MFN1: variants seen among roughly 807,000 people sequenced by gnomAD.
MFN1 encodes the protein mitofusin-1.
Under a neutral mutation model 92.4 loss-of-function variants are expected in MFN1, and 65 were observed. The observed-to-expected ratio is 0.70, with a 90% CI of 0.58 to 0.86. MFN1 has a LOEUF of 0.86. Among genes scored for constraint, MFN1 ranks in the 40% least tolerant of loss-of-function variants. The pLI is 0.00. For synonymous variants in MFN1, 297 were observed against 300.9 expected (o/e 0.99, Z 0.13); for missense variants, 781 against 868.0 (o/e 0.90, Z 1.26).
chr3:179,386,819 ATTC>A (rs750215607), intron 16 of MFN1, among the ~76,000 whole-genome samples, 190 bp downstream of exon 16: 5 of 152,308 alleles, frequency 3.3e-5, no homozygotes, highest in East Asian at 1.9e-4. Flanking sequence ...CCTAATCACT[ATTC>A]TTCTTTCCAT....
Position 179,367,565 on chromosome 3 carries a change from C to A in MFN1, c.880C>A (p.Gln294Lys). ...SAKEVLSARK[Q>K]KAQGMPESGV... is the part of the protein sequence containing the mutation. ...AAAGGAAGTTCTTAGTGCTAGAAAG[C>A]AAAAAGCACAGGGGATGCCAGAAAG... The change falls in exon 8 of 18, where the codon CAA becomes AAA. Residue 294 changes from glutamine to lysine, a missense_variant. Physicochemically the swap from Gln to Lys is moderately conservative, Grantham distance 53. Coordinates refer to ENST00000471841, the MANE Select transcript of MFN1 (RefSeq NM_033540.3). 1 of 1,610,282 alleles carries A rather than the reference C, an allele frequency of 6.2e-7. No individual in the cohort carries two copies. Among genetic ancestry groups the A allele is most frequent in the African/African-American group, 1.3e-5 (1 of 74,514 alleles).
At chr3:179,388,359 TA>T (rs755697063) in intron 16 of MFN1, among the ~76,000 whole-genome samples, 52 of 152,240 alleles carry the variant, frequency 3.4e-4, no homozygotes, top group Non-Finnish European at 4.3e-4. Flanking sequence ...TTCAAATGTA[TA>T]CGTTAAATGC....
In MFN1 at chr3:179,364,283, T is replaced by A; in HGVS notation, c.537-14T>A. The A allele has an allele frequency of 6.5e-7, 1 of 1,548,084 alleles. No homozygotes were observed. The highest frequency in any genetic ancestry group is 8.7e-7 in the Non-Finnish European group (1 of 1,146,222). On this transcript the variant is annotated splice_polypyrimidine_tract_variant and intron_variant, in intron 5 of 17. Coordinates refer to ENST00000471841, the MANE Select transcript of MFN1 (RefSeq NM_033540.3). The stretch of plus-strand genomic sequence containing the variant: ...TTAAGAAATATAATACAATTTTTAT[T>A]TCACTCTCATTAGTCCAGGCACAGA...
At chr3:179,350,065 A>AGGC (rs1712082585) in intron 2 of MFN1, among the ~76,000 whole-genome samples, 1 of 151,950 alleles carries the variant, frequency 6.6e-6, no homozygotes, top group Non-Finnish European at 1.5e-5. Flanking sequence ...AGGAGGGAGA[A>AGGC]TCGCTTGAAC....
Position 179,392,061 on chromosome 3 carries a change from AAT to A in MFN1, c.*4_*5del, listed in dbSNP as rs775028347. On this transcript the variant is annotated 3_prime_UTR_variant, in exon 18 of 18. Coordinates refer to ENST00000471841, the MANE Select transcript of MFN1 (RefSeq NM_033540.3). ...CCTTCAAGCAATGAAGAATCCTAAC[AAT>A]AGAGATTGCTTTGGTGACCATGATA... 1 of 1,598,680 alleles carries A rather than the reference AAT, an allele frequency of 6.3e-7. No homozygotes were observed. The highest frequency in any genetic ancestry group is 1.1e-5 in the South Asian group (1 of 89,726).
chr3:179,378,399 A>G lies in MFN1; in HGVS notation c.1388A>G (p.Asp463Gly). The change falls in exon 13 of 18, where the codon GAT (aspartate) becomes GGT (glycine). Residue 463 changes from aspartate (D) to glycine (G), a missense_variant. By Grantham distance (94) the Asp-to-Gly change is moderately conservative (BLOSUM62 -1). Coordinates refer to ENST00000471841, the MANE Select transcript of MFN1 (RefSeq NM_033540.3). ...AGAAATTTGGCTGATCGATGCACCG[A>G]TGAAGTAAACGCCTTAGTGCTTCAG... ...MGRNLADRCT[D>G]EVNALVLQTQ... 3 of 1,607,114 alleles carry G rather than the reference A, an allele frequency of 1.9e-6. No homozygotes were observed. The highest frequency in any genetic ancestry group is 2.5e-6 in the Non-Finnish European group (3 of 1,178,298).
rs184828954 is a variant in MFN1, at chr3:179,364,233, A to C, written c.537-64A>C. On this transcript the variant is annotated intron_variant, in intron 5 of 17. Coordinates refer to ENST00000471841, the MANE Select transcript of MFN1 (RefSeq NM_033540.3). ...TTCAAATTATATATAAAAGCTGAAA[A>C]AATTCTGTAACCCAAATTTTCTTTT... 5.1e-5 allele frequency: 59 copies of C among 1,161,676 alleles called. No homozygotes were observed. In the South Asian group the frequency reaches 1.0e-3, roughly 20 times the overall value. The allele number at this position is 1,161,676 out of a possible 1,614,324, so 72.0% of individuals were successfully genotyped here. A position where few individuals can be genotyped will look rare whatever the true frequency, so the allele number is the denominator to read the frequency against.
At chr3:179,378,223 AAAAAAAAAAAGTC>A in intron 12 of MFN1, 105 bp from the exon 13 acceptor site, 2 of 821,914 alleles carry the variant, frequency 2.4e-6, no homozygotes, top group Non-Finnish European at 3.9e-6. Context: ...TGTCTCAAAA[AAAAAAAAAAAGTC>A]AAATTAAAAA....
At chr3:179,349,390 G>C (rs1296165573) in intron 2 of MFN1, among the ~76,000 whole-genome samples, 2 of 152,182 alleles carry the variant, frequency 1.3e-5, no homozygotes, top group Non-Finnish European at 2.9e-5. Context: ...TAGCAGTTAA[G>C]CCAAGACCTC....
In MFN1 at chr3:179,378,612, G is replaced by A. The variant is rs532712373; in HGVS notation, c.1460G>A (p.Gly487Asp). 1 of 1,612,458 alleles carries A rather than the reference G, an allele frequency of 6.2e-7. No homozygotes were observed. Among genetic ancestry groups the A allele is most frequent in the Admixed American group, 1.7e-5 (1 of 59,878 alleles). The change falls in exon 14 of 18, where the codon GGT (glycine) becomes GAT (aspartate). Residue 487 changes from glycine to aspartate, a missense_variant. Transcript: ENST00000471841. ...AATTTGAAGCCATTACTTCCAGCTG[G>A]TATACAGGATAAACTACATACACTG... is the stretch of plus-strand genomic sequence containing the variant. ...IENLKPLLPA[G>D]IQDKLHTLIP...
chr3:179,360,334 G>T (rs1003272821), intron 4 of MFN1, among the ~76,000 whole-genome samples: 1 of 152,160 alleles, frequency 6.6e-6, no homozygotes, highest in Non-Finnish European at 1.5e-5. Context: ...GTGCCACCAT[G>T]CCTGGCCTCC....
intron 3 of MFN1, among the ~76,000 whole-genome samples, chr3:179,356,582 A>G (rs762323077): frequency 6.6e-6 from 1 of 152,188 alleles, no homozygotes; most frequent in Non-Finnish European, 1.5e-5. Context: ...TCTAGTTATG[A>G]AGTGTTCTGT....
In MFN1 at chr3:179,393,122, C is replaced by A. The variant is rs1398306650; in HGVS notation, c.*1063C>A. On this transcript the variant is annotated 3_prime_UTR_variant, in exon 18 of 18. Transcript: ENST00000471841. The stretch of plus-strand genomic sequence containing the variant: ...CACATTCATTTCAGTTATTTCTGAT[C>A]CATAAATATAACATTTACAAAATTC... 6.6e-6 allele frequency: 1 copy of A among 152,056 alleles called. No homozygotes were observed. Among genetic ancestry groups the A allele is most frequent in the African/African-American group, 2.4e-5 (1 of 41,396 alleles). The allele number at this position is 152,056 out of a possible 1,614,324, so 9.4% of individuals were successfully genotyped here. A position where few individuals can be genotyped will look rare whatever the true frequency, so the allele number is the denominator to read the frequency against.
chr3:179,388,910 T>C (rs1266696423), intron 16 of MFN1, among the ~76,000 whole-genome samples: 1 of 152,230 alleles, frequency 6.6e-6, no homozygotes, highest in Non-Finnish European at 1.5e-5. Flanking sequence ...TAGCAGGATG[T>C]GGCCTTGTCT....
Position 179,393,416 on chromosome 3 carries a change from GCTT to G in MFN1, c.*1358_*1360del, listed in dbSNP as rs1713982891. ...TTTCATGGGAGGGATAAAATTTAAA[GCTT>G]TTTTTTTCTTTGAATACAGTCCTTC... On this transcript the variant is annotated 3_prime_UTR_variant, in exon 18 of 18. Transcript: ENST00000471841. The G allele has an allele frequency of 6.6e-6, 1 of 151,698 alleles. No individual in the cohort carries two copies. Among genetic ancestry groups the G allele is most frequent in the African/African-American group, 2.4e-5 (1 of 41,300 alleles). 9.4% of individuals were successfully genotyped at this position (151,698 alleles called of 1,614,324 possible).
intron 3 of MFN1, 134 bp downstream of exon 3, chr3:179,352,169 G>A: frequency 3.5e-6 from 3 of 857,636 alleles, no homozygotes; most frequent in Non-Finnish European, 3.4e-6. Context: ...AAAGCTGTTA[G>A]CATGTGAAAG....
At chr3:179,378,880 A>C in intron 14 of MFN1, 66 bp downstream of exon 14, 1 of 1,235,704 alleles carries the variant, frequency 8.1e-7, no homozygotes, top group East Asian at 2.4e-5. Flanking sequence ...GTTTTTCTAT[A>C]ATAAAACTAG....
Position 179,385,553 on chromosome 3 carries a change from TC to T in MFN1, c.1663-15del. ...TTTAAGTGTAATCTTTTTTCCTTTCTCTTTTTTTTTGGCAGCTCCCTAGATC... is the reference window on the plus strand; with the variant it reads ...TTTAAGTGTAATCTTTTTTCCTTTCTTTTTTTTTTGGCAGCTCCCTAGATC... On this transcript the variant is annotated splice_polypyrimidine_tract_variant and intron_variant, in intron 14 of 17. Transcript: ENST00000471841. 5 of 1,416,036 alleles carry T rather than the reference TC, an allele frequency of 3.5e-6. No homozygotes were observed. The highest frequency in any genetic ancestry group is 2.8e-5 in the Admixed American group (1 of 35,128). The allele number at this position is 1,416,036 out of a possible 1,614,324, so 87.7% of individuals were successfully genotyped here.
At chr3:179,365,888 T>C (rs769219974) in intron 7 of MFN1, among the ~76,000 whole-genome samples, 1 of 152,260 alleles carries the variant, frequency 6.6e-6, no homozygotes, top group Non-Finnish European at 1.5e-5. Context: ...ATTCCATCTG[T>C]GACTATACTA....
Sources: allele counts gnomAD v4.1 joint callset (sites outside exome capture counted in the v4.1 genomes callset), GRCh38; gene constraint gnomAD v4.1.1; transcripts MANE v1.5; gene names NCBI Gene and HGNC (gene_info 2026-07-23, HGNC 2026-07-21).